FAM167A: variants seen among roughly 807,000 people sequenced by gnomAD.
FAM167A encodes the protein family with sequence similarity 167 member A.
A neutral mutation model predicts 14.9 loss-of-function variants in FAM167A; 23 were observed. The ratio of observed to expected loss-of-function variants is 1.55; its 90% CI spans 1.11 to 2.19. The LOEUF (loss-of-function observed/expected upper bound fraction) is 2.19, where lower values mean the gene tolerates loss of function less well. FAM167A is among the 30% of genes most tolerant of loss of function. The pLI, the probability that FAM167A is intolerant of heterozygous loss-of-function variation, is 0.00. For missense variants in FAM167A, 401 were observed against 281.5 expected (o/e 1.42, Z -3.04); for synonymous variants, 174 against 117.7 (o/e 1.48, Z -3.10).
intron 1 of FAM167A, among the ~76,000 whole-genome samples, chr8:11,455,234 G>T (rs1807190886): frequency 6.7e-6 from 1 of 149,788 alleles, no homozygotes; most frequent in Non-Finnish European, 1.5e-5. Context: ...TGGTGGGGTT[G>T]TTGCCTTGCT....
intron 1 of FAM167A, among the ~76,000 whole-genome samples, chr8:11,450,425 A>T (rs1806976306): frequency 6.6e-6 from 1 of 152,232 alleles, no homozygotes. Context: ...CATTTTACAG[A>T]TGAAGAGACT....
upstream of FAM167A, among the ~76,000 whole-genome samples, chr8:11,470,115 A>T (rs148114513): frequency 3.5e-3 from 528 of 152,336 alleles, 1 homozygote; most frequent in African/African-American, 0.012. Flanking sequence ...GCAGACGATG[A>T]CCGACAAATA....
upstream of FAM167A, among the ~76,000 whole-genome samples, chr8:11,469,188 T>C (rs1214741842): frequency 6.8e-6 from 1 of 147,894 alleles, no homozygotes; most frequent in African/African-American, 2.4e-5. Context: ...TTCATATGTA[T>C]GCATGGAAAA....
intron 2 of FAM167A, among the ~76,000 whole-genome samples, chr8:11,441,571 A>C (rs1287623413): frequency 1.3e-5 from 2 of 152,162 alleles, no homozygotes; most frequent in African/African-American, 4.8e-5. Context: ...TGCCCAGTGG[A>C]ACCCTCTGCG....
rs150783253 is a variant in FAM167A, at chr8:11,453,418, G to T, written c.-397-8610C>A. On this transcript the variant is annotated intron_variant, in intron 1 of 2. Coordinates refer to ENST00000284486, the MANE Select transcript of FAM167A (RefSeq NM_053279.3). The stretch of plus-strand genomic sequence containing the variant: ...ATGTGCCAGGCACTATAAGGAGATA[G>T]CACCTCACTTATTTGCATGAGAATC... 1.9e-3 allele frequency among the ~76,000 whole-genome samples: 282 copies of T among 152,356 alleles called. 3 individuals are homozygous for T. The highest frequency in any genetic ancestry group is 1.1e-3 in the Non-Finnish European group (77 of 68,040).
intron 1 of FAM167A, among the ~76,000 whole-genome samples, chr8:11,448,218 A>C (rs2117103924): frequency 6.6e-6 from 1 of 151,626 alleles, no homozygotes; most frequent in South Asian, 2.1e-4. Context: ...AAAAAGTTCT[A>C]AGAATTTCAA....
intron 2 of FAM167A, among the ~76,000 whole-genome samples, chr8:11,429,889 T>C (rs1473762261): frequency 6.6e-6 from 1 of 152,220 alleles, no homozygotes; most frequent in East Asian, 1.9e-4. Context: ...ACAGTGAGAA[T>C]GAAATTCGAC....
Position 11,472,772 on chromosome 8 carries a change from T to C in FAM167A, c.-398+3094A>G, listed in dbSNP as rs1431214063. Among the ~76,000 whole-genome samples, 7 of 152,180 alleles carry C rather than the reference T, an allele frequency of 4.6e-5. No individual in the cohort carries two copies. The East Asian group carries it at 1.3e-3, about 29-fold the overall frequency. ...ACTGGAACTTTGTCAAATCACTTCC[T>C]TTGGTTGGATGGCTTTCTTTTCACT... On this transcript the variant is annotated intron_variant, in intron 1 of 1. Transcript: ENST00000648766.
intron 1 of FAM167A, among the ~76,000 whole-genome samples, chr8:11,460,645 A>G (rs543722479): frequency 6.6e-6 from 1 of 152,174 alleles, no homozygotes; most frequent in Non-Finnish European, 1.5e-5. Flanking sequence ...ATCACACTGC[A>G]TTTGCAAATT....
chr8:11,461,476 G>C (rs1416920630), intron 1 of FAM167A, among the ~76,000 whole-genome samples: 1 of 152,256 alleles, frequency 6.6e-6, no homozygotes, highest in Non-Finnish European at 1.5e-5. Flanking sequence ...GCAGAAAGTA[G>C]ACACAGAGTG....
intron 2 of FAM167A, among the ~76,000 whole-genome samples, chr8:11,436,128 A>G (rs1211956984): frequency 6.6e-6 from 1 of 152,168 alleles, no homozygotes; most frequent in Non-Finnish European, 1.5e-5. Flanking sequence ...GTCACCAAGC[A>G]TGGTCCGGGG....
At chr8:11,463,767 G>A (rs191784618) in intron 1 of FAM167A, among the ~76,000 whole-genome samples, 4 of 152,348 alleles carry the variant, frequency 2.6e-5, no homozygotes, top group Admixed American at 2.6e-4. Context: ...CCCCCAGTGG[G>A]AGAAGGTGAA....
At chr8:11,444,897 G>A (rs1303697132) in intron 1 of FAM167A, 89 bp from the exon 2 acceptor site, 5 of 944,854 alleles carry the variant, frequency 5.3e-6, no homozygotes, top group African/African-American at 1.8e-5. Flanking sequence ...GGGAAACTGA[G>A]GCTCAGAGTG....
intron 2 of FAM167A, among the ~76,000 whole-genome samples, chr8:11,431,893 CAAAAAAAA>C (rs748615997): frequency 0.046 from 712 of 15,638 alleles, 27 homozygotes; most frequent in African/African-American, 0.097. Flanking sequence ...GACCAATTGG[CAAAAAAAA>C]AAAAAAAAAA....
chr8:11,455,304 C>G (rs1807194902), intron 1 of FAM167A, among the ~76,000 whole-genome samples: 2 of 99,998 alleles, frequency 2.0e-5, no homozygotes, highest in South Asian at 3.6e-4. Context: ...TGGTTACCCT[C>G]CTGGGTGTGT....
rs374097546 is a variant in FAM167A, at chr8:11,444,329, C to A, written c.83G>T (p.Arg28Leu). Residue 28 changes from arginine to leucine, a missense_variant, in exon 2 of 3, where the codon CGG (arginine) becomes CTG (leucine). Coordinates refer to ENST00000284486, the MANE Select transcript of FAM167A (RefSeq NM_053279.3). Reference sequence around the variant, plus strand: ...TTTCTCGGTGAGGGCCTTCAGGCTCCGGAGGTGGTCATCGGGTGGTGCGGC... The same window carrying A: ...TTTCTCGGTGAGGGCCTTCAGGCTCAGGAGGTGGTCATCGGGTGGTGCGGC... ...GAAAPPDDHL[R>L]SLKALTEKLR... The A allele has an allele frequency of 3.5e-5, 57 of 1,610,534 alleles. No homozygotes were observed. Among genetic ancestry groups the A allele is most frequent in the Non-Finnish European group, 4.8e-5 (56 of 1,178,826 alleles).
At chr8:11,453,451 G>T (rs1397133834) in intron 1 of FAM167A, among the ~76,000 whole-genome samples, 2 of 152,222 alleles carry the variant, frequency 1.3e-5, no homozygotes, top group Non-Finnish European at 2.9e-5. Context: ...ATCTTGTGAA[G>T]TATGCACTAT....
chr8:11,439,029 AG>A (rs1806250946), intron 2 of FAM167A, among the ~76,000 whole-genome samples: 1 of 152,238 alleles, frequency 6.6e-6, no homozygotes, highest in African/African-American at 2.4e-5. Context: ...CTGGCAGCTC[AG>A]GGCCCCTTGA....
At position 11,444,749 on chromosome 8, in the gene FAM167A, G is replaced by C; in HGVS notation, c.-338C>G. 9.5e-7 allele frequency: 1 copy of C among 1,047,488 alleles called. No individual in the cohort carries two copies. Among genetic ancestry groups the C allele is most frequent in the East Asian group, 7.7e-5 (1 of 12,980 alleles). 64.9% of individuals were successfully genotyped at this position (1,047,488 alleles called of 1,614,324 possible). A position where few individuals can be genotyped will look rare whatever the true frequency, so the allele number is the denominator to read the frequency against. ...CTGTCCTGAACGCACTCGAAGACCA[G>C]ACTGGCAGGAAGAAGGCCCAGAGCT... On this transcript the variant is annotated 5_prime_UTR_variant, in exon 2 of 3. Coordinates refer to ENST00000284486, the MANE Select transcript of FAM167A (RefSeq NM_053279.3).
Sources: allele counts gnomAD v4.1 joint callset (sites outside exome capture counted in the v4.1 genomes callset), GRCh38; gene constraint gnomAD v4.1.1; transcripts MANE v1.5; gene names NCBI Gene and HGNC (gene_info 2026-07-23, HGNC 2026-07-21).